Variants in TBC1D32 observed in about 807,000 individuals in gnomAD.
TBC1D32 encodes protein broad-minded.
TBC1D32 carries 151 observed loss-of-function variants against 170.3 expected under a neutral mutation model. That is an observed-to-expected ratio of 0.89 (90% CI 0.78 to 1.01). The LOEUF is 1.01. Among genes scored for constraint, TBC1D32 ranks in the 50% least tolerant of loss-of-function variants. The pLI is 0.00. For missense variants in TBC1D32, 1,464 were observed against 1,457.1 expected, an observed-to-expected ratio of 1.00 and a Z score of -0.08; for synonymous variants, 498 against 488.0, an observed-to-expected ratio of 1.02 and a Z score of -0.27.
intron 12 of TBC1D32, 128 bp from the exon 13 acceptor site, chr6:121,284,038 G>C: frequency 6.0e-6 from 4 of 666,112 alleles, no homozygotes; most frequent in South Asian, 5.6e-5. Flanking sequence ...TCAGGAAGAA[G>C]GGAGCTATAA....
chr6:121,324,358 TATTG>T (rs748595782), intron 1 of TBC1D32, among the ~76,000 whole-genome samples: 1 of 152,176 alleles, frequency 6.6e-6, no homozygotes, highest in Non-Finnish European at 1.5e-5. Context: ...ATATTTTAAT[TATTG>T]ATTGAATTTT....
intron 20 of TBC1D32, among the ~76,000 whole-genome samples, chr6:121,238,453 C>A (rs1796573190): frequency 6.6e-6 from 1 of 152,004 alleles, no homozygotes; most frequent in African/African-American, 2.4e-5. Context: ...GAGTGTTTTG[C>A]TTTTTAAGCA....
At chr6:121,117,582 A>G (rs1779813129) in intron 26 of TBC1D32, among the ~76,000 whole-genome samples, 1 of 152,020 alleles carries the variant, frequency 6.6e-6, no homozygotes, top group African/African-American at 2.4e-5. Flanking sequence ...CATGTCTGTA[A>G]TCCCAGATGC....
chr6:121,296,102 T>G (rs1293415355), intron 10 of TBC1D32, among the ~76,000 whole-genome samples: 1 of 152,144 alleles, frequency 6.6e-6, no homozygotes, highest in Non-Finnish European at 1.5e-5. Flanking sequence ...GCTTCCCTGG[T>G]ATATAACATT....
At chr6:121,085,415 C>A (rs1183708992) in intron 31 of TBC1D32, among the ~76,000 whole-genome samples, 1 of 147,528 alleles carries the variant, frequency 6.8e-6, no homozygotes, top group African/African-American at 2.5e-5. Flanking sequence ...GTGATAGAAA[C>A]ATAACAACCG....
At chr6:121,284,529 C>G (rs1189106962) in intron 12 of TBC1D32, among the ~76,000 whole-genome samples, 1 of 152,058 alleles carries the variant, frequency 6.6e-6, no homozygotes, top group Non-Finnish European at 1.5e-5. Context: ...AGATAAAAAC[C>G]ATTCTTAGCT....
chr6:121,192,953 C>G (rs562758158), intron 22 of TBC1D32, among the ~76,000 whole-genome samples: 1 of 152,126 alleles, frequency 6.6e-6, no homozygotes, highest in African/African-American at 2.4e-5. Flanking sequence ...CTCCAACACC[C>G]CTGTTTACTT....
intron 20 of TBC1D32, among the ~76,000 whole-genome samples, chr6:121,229,846 G>A (rs942499915): frequency 3.9e-5 from 6 of 152,012 alleles, no homozygotes; most frequent in Admixed American, 2.0e-4. Context: ...AGGACCTGGT[G>A]GGAGCTGATT....
At chr6:121,118,942 T>C (rs530923302) in intron 26 of TBC1D32, among the ~76,000 whole-genome samples, 6 of 152,290 alleles carry the variant, frequency 3.9e-5, no homozygotes, top group African/African-American at 1.4e-4. Context: ...AAAAATAGCA[T>C]TTCCATGTCT....
chr6:121,109,027 C>T (rs901553276), intron 29 of TBC1D32, among the ~76,000 whole-genome samples: 1 of 151,998 alleles, frequency 6.6e-6, no homozygotes, highest in African/African-American at 2.4e-5. Context: ...AAAACTGAAT[C>T]GGCAAATATG....
chr6:121,210,908 T>G (rs1792944480), intron 21 of TBC1D32, among the ~76,000 whole-genome samples: 1 of 152,160 alleles, frequency 6.6e-6, no homozygotes, highest in African/African-American at 2.4e-5. Context: ...CATACTGAAC[T>G]TCTGACCTAC....
At chr6:121,319,095 T>C (rs1320363960) in intron 2 of TBC1D32, among the ~76,000 whole-genome samples, 1 of 150,522 alleles carries the variant, frequency 6.6e-6, no homozygotes, top group Non-Finnish European at 1.5e-5. Flanking sequence ...ATGTATATCA[T>C]ACAGAACTAA....
intron 21 of TBC1D32, among the ~76,000 whole-genome samples, chr6:121,206,747 G>A (rs1010514013): frequency 6.6e-6 from 1 of 152,138 alleles, no homozygotes; most frequent in Non-Finnish European, 1.5e-5. Flanking sequence ...TAGTAATGAT[G>A]AATAAAAAGA....
intron 26 of TBC1D32, chr6:121,115,748 C>T (rs2128201376): frequency 6.6e-6 from 1 of 152,354 alleles, no homozygotes; most frequent in Non-Finnish European, 1.5e-5. Context: ...TTGTAATCAT[C>T]TAACCAAAAG....
chr6:121,213,967 C>A (rs1793491134), intron 21 of TBC1D32, among the ~76,000 whole-genome samples: 1 of 151,920 alleles, frequency 6.6e-6, no homozygotes, highest in South Asian at 2.1e-4. Context: ...ATAGAAAGCC[C>A]AGCAATAAGA....
At chr6:121,279,031 C>T in intron 15 of TBC1D32, 90 bp downstream of exon 15, 2 of 1,421,924 alleles carry the variant, frequency 1.4e-6, no homozygotes, top group South Asian at 2.9e-5. Context: ...GTTACTCCAG[C>T]TTTTTTAGAT....
At chr6:121,271,777 T>C (rs940804316) in intron 15 of TBC1D32, among the ~76,000 whole-genome samples, 4 of 152,092 alleles carry the variant, frequency 2.6e-5, no homozygotes, top group African/African-American at 9.7e-5. Context: ...AAAGTTCATA[T>C]GGAATCAAAA....
chr6:121,299,025 C>T (rs756027691), intron 10 of TBC1D32, among the ~76,000 whole-genome samples: 2 of 152,050 alleles, frequency 1.3e-5, no homozygotes, highest in Non-Finnish European at 2.9e-5. Flanking sequence ...TTTGGTATAA[C>T]TCAAACCAAT....
intron 22 of TBC1D32, among the ~76,000 whole-genome samples, chr6:121,190,180 C>T (rs921861208): frequency 1.3e-5 from 2 of 149,526 alleles, no homozygotes; most frequent in African/African-American, 4.9e-5. Context: ...TCCCAACTTC[C>T]CGGCAAGCCT....
Sources: allele counts gnomAD v4.1 joint callset (sites outside exome capture counted in the v4.1 genomes callset), GRCh38; gene constraint gnomAD v4.1.1; transcripts MANE v1.5; gene names NCBI Gene and HGNC (gene_info 2026-07-23, HGNC 2026-07-21).